Variants in CPA6 observed in about 807,000 individuals in gnomAD.
CPA6 encodes carboxypeptidase B.
A neutral mutation model predicts 63.3 loss-of-function variants in CPA6; 58 were observed. The ratio of observed to expected loss-of-function variants is 0.92; its 90% CI spans 0.74 to 1.14. The LOEUF is 1.14. CPA6 is among the 50% of genes most tolerant of loss of function. The pLI is 0.00. For synonymous variants in CPA6, 185 were observed against 179.0 expected, an observed-to-expected ratio of 1.03 and a Z score of -0.27; for missense variants, 565 against 526.6, an observed-to-expected ratio of 1.07 and a Z score of -0.71.
At chr8:67,494,892 CA>C (rs1811676858) in intron 6 of CPA6, among the ~76,000 whole-genome samples, 1 of 152,164 alleles carries the variant, frequency 6.6e-6, no homozygotes, top group Non-Finnish European at 1.5e-5. Context: ...GTCTGCTGCC[CA>C]AATTAGGCCT....
chr8:67,649,001 A>G (rs745992642), intron 1 of CPA6, among the ~76,000 whole-genome samples: 3 of 151,904 alleles, frequency 2.0e-5, no homozygotes, highest in Non-Finnish European at 4.4e-5. Flanking sequence ...ACACACACAT[A>G]TTGCAATATG....
At chr8:67,654,181 A>C (rs1156982832) in intron 1 of CPA6, among the ~76,000 whole-genome samples, 1 of 152,182 alleles carries the variant, frequency 6.6e-6, no homozygotes, top group Non-Finnish European at 1.5e-5. Flanking sequence ...AATGTTCATC[A>C]AGGATATTGG....
intron 1 of CPA6, among the ~76,000 whole-genome samples, chr8:67,672,806 C>A (rs1420959013): frequency 6.6e-6 from 1 of 152,164 alleles, no homozygotes; most frequent in Non-Finnish European, 1.5e-5. Flanking sequence ...GGATGAAATG[C>A]CAAATCAGAG....
intron 4 of CPA6, 25 bp downstream of exon 4, chr8:67,511,515 CA>C: frequency 7.5e-7 from 1 of 1,335,168 alleles, no homozygotes; most frequent in Non-Finnish European, 1.1e-6. Context: ...TGTGAAAAAC[CA>C]GAAAAAGCTC....
At chr8:67,689,779 G>T (rs1322078736) in intron 1 of CPA6, among the ~76,000 whole-genome samples, 1 of 152,132 alleles carries the variant, frequency 6.6e-6, no homozygotes, top group Non-Finnish European at 1.5e-5. Flanking sequence ...CTTTTCCTTT[G>T]GGTATATACC....
At chr8:67,598,465 T>C (rs1445744194) in intron 2 of CPA6, among the ~76,000 whole-genome samples, 1 of 152,198 alleles carries the variant, frequency 6.6e-6, no homozygotes, top group Admixed American at 6.5e-5. Flanking sequence ...GTAAAATTAA[T>C]TTTAAATTCA....
intron 1 of CPA6, among the ~76,000 whole-genome samples, chr8:67,684,060 T>A (rs992163119): frequency 6.9e-5 from 10 of 144,772 alleles, no homozygotes; most frequent in Non-Finnish European, 1.0e-4. Context: ...TATTTATTTT[T>A]TTTTTTTGTA....
chr8:67,705,935 G>A (rs1817124933), intron 1 of CPA6, among the ~76,000 whole-genome samples: 1 of 152,060 alleles, frequency 6.6e-6, no homozygotes, highest in Admixed American at 6.5e-5. Context: ...AAGTTATAAA[G>A]GTAAAGAGGT....
At chr8:67,741,722 C>T (rs556726186) in intron 1 of CPA6, among the ~76,000 whole-genome samples, 82 of 152,232 alleles carry the variant, frequency 5.4e-4, no homozygotes, top group South Asian at 1.7e-3. Flanking sequence ...CCCGTCATCC[C>T]CAGATGGGAC....
At chr8:67,623,004 C>T (rs1412347415) in intron 2 of CPA6, among the ~76,000 whole-genome samples, 2 of 152,176 alleles carry the variant, frequency 1.3e-5, no homozygotes, top group Admixed American at 6.5e-5. Context: ...AATGCTCTAA[C>T]TCTAAAATCC....
chr8:67,629,119 A>G (rs1249639496), intron 1 of CPA6, among the ~76,000 whole-genome samples: 1 of 151,740 alleles, frequency 6.6e-6, no homozygotes, highest in Non-Finnish European at 1.5e-5. Flanking sequence ...ATCTCGAAAC[A>G]AACTAACAAA....
chr8:67,714,589 A>G (rs1298326158), intron 1 of CPA6, among the ~76,000 whole-genome samples: 1 of 152,186 alleles, frequency 6.6e-6, no homozygotes, highest in Non-Finnish European at 1.5e-5. Context: ...AGTCCCAGCT[A>G]CTTGGAAGGT....
intron 1 of CPA6, among the ~76,000 whole-genome samples, chr8:67,675,776 A>G (rs1816458698): frequency 6.6e-6 from 1 of 152,214 alleles, no homozygotes; most frequent in African/African-American, 2.4e-5. Flanking sequence ...CTCATGCTGC[A>G]GGGCACTGTT....
At chr8:67,652,281 T>C (rs1410676363) in intron 1 of CPA6, among the ~76,000 whole-genome samples, 57 of 152,336 alleles carry the variant, frequency 3.7e-4, no homozygotes, top group Non-Finnish European at 6.6e-4. Flanking sequence ...CTGGGTCAAA[T>C]CATATTTCTA....
chr8:67,567,542 G>A (rs748688680), intron 2 of CPA6, among the ~76,000 whole-genome samples: 3 of 152,202 alleles, frequency 2.0e-5, no homozygotes, highest in Non-Finnish European at 4.4e-5. Flanking sequence ...TGGTGGAAAA[G>A]GAAGTCTTGG....
intron 6 of CPA6, among the ~76,000 whole-genome samples, chr8:67,499,887 C>T (rs1811797555): frequency 6.6e-6 from 1 of 152,034 alleles, no homozygotes; most frequent in Non-Finnish European, 1.5e-5. Context: ...TTTGTTTAAC[C>T]ATTTGCCTGT....
intron 1 of CPA6, among the ~76,000 whole-genome samples, chr8:67,722,578 C>T (rs1817522196): frequency 6.6e-6 from 1 of 152,272 alleles, no homozygotes; most frequent in Admixed American, 6.5e-5. Context: ...AATGATGGTC[C>T]TTCCCTGATC....
chr8:67,576,080 T>C (rs1369046019), intron 2 of CPA6, among the ~76,000 whole-genome samples: 4 of 152,148 alleles, frequency 2.6e-5, no homozygotes, highest in African/African-American at 7.2e-5. Context: ...AGTTGCATAG[T>C]AGGAATAAGT....
intron 2 of CPA6, among the ~76,000 whole-genome samples, chr8:67,581,595 T>C (rs1813773889): frequency 2.6e-5 from 4 of 152,190 alleles, no homozygotes; most frequent in Admixed American, 2.6e-4. Flanking sequence ...ATTTAAGCAG[T>C]TTATTTTCAA....
Sources: gnomAD v4.1 joint callset for allele counts (sites outside exome capture counted in the v4.1 genomes callset) on GRCh38, gnomAD v4.1.1 for gene constraint, MANE v1.5 for transcripts, NCBI Gene and HGNC (gene_info 2026-07-23, HGNC 2026-07-21) for gene names.